NKAIN2: variants seen among roughly 807,000 people sequenced by gnomAD.
NKAIN2 encodes the protein sodium/potassium-transporting ATPase subunit beta-1-interacting protein 2.
NKAIN2 carries 14 observed loss-of-function variants against 32.6 expected under a neutral mutation model. The observed-to-expected ratio is 0.43, with a 90% CI of 0.28 to 0.67. The LOEUF is 0.67. NKAIN2 is among the 30% of genes least tolerant of loss of function. The pLI, the probability that NKAIN2 is intolerant of heterozygous loss-of-function variation, is 0.17. For synonymous variants in NKAIN2, 80 were observed against 87.2 expected, an observed-to-expected ratio of 0.92 and a Z score of 0.46; for missense variants, 198 against 258.3, an observed-to-expected ratio of 0.77 and a Z score of 1.60.
intron 3 of NKAIN2, among the ~76,000 whole-genome samples, chr6:124,563,310 A>G (rs2114898936): frequency 6.6e-6 from 1 of 152,358 alleles, no homozygotes; most frequent in East Asian, 1.9e-4. Flanking sequence ...TTTGAACATT[A>G]GTATTATTTT....
At position 124,020,245 on chromosome 6, in the gene NKAIN2, A is replaced by C. The variant is rs1008497674; in HGVS notation, c.54+215991A>C. On this transcript the variant is annotated intron_variant, in intron 1 of 6. Transcript: ENST00000368417. The stretch of plus-strand genomic sequence containing the variant: ...TGGGTCATTCTGTTCTTAGTAAAGG[A>C]GTAATATTCTTCCTGCCAAAATTAA... Among the ~76,000 whole-genome samples, 4 of 152,128 alleles carry C rather than the reference A, an allele frequency of 2.6e-5. No individual in the cohort carries two copies. In the East Asian group the frequency reaches 7.7e-4, roughly 29 times the overall value.
intron 1 of NKAIN2, among the ~76,000 whole-genome samples, chr6:123,850,371 T>TATATAC (rs1158089972): frequency 2.1e-5 from 3 of 140,234 alleles, no homozygotes; most frequent in African/African-American, 8.1e-5. Context: ...TATATATATA[T>TATATAC]ACACACACAC....
At chr6:123,857,222 C>G (rs1775588558) in intron 1 of NKAIN2, among the ~76,000 whole-genome samples, 1 of 151,672 alleles carries the variant, frequency 6.6e-6, no homozygotes, top group South Asian at 2.1e-4. Context: ...AAACCCTGTA[C>G]CAGCAGGACC....
intron 1 of NKAIN2, among the ~76,000 whole-genome samples, chr6:123,841,575 AG>A (rs962173871): frequency 1.6e-4 from 25 of 152,308 alleles, no homozygotes; most frequent in African/African-American, 5.1e-4. Context: ...CATCATCAAC[AG>A]GAAGTCTGTA....
At chr6:124,221,573 A>G (rs1268534351) in intron 1 of NKAIN2, among the ~76,000 whole-genome samples, 1 of 152,136 alleles carries the variant, frequency 6.6e-6, no homozygotes, top group South Asian at 2.1e-4. Context: ...AGAGAGAAAA[A>G]AAAGAAATAA....
intron 1 of NKAIN2, among the ~76,000 whole-genome samples, chr6:123,980,014 G>T (rs985982653): frequency 6.6e-6 from 1 of 152,104 alleles, no homozygotes; most frequent in Non-Finnish European, 1.5e-5. Context: ...ACAGTGATTG[G>T]TTTAATTAGT....
At chr6:124,783,098 A>T (rs914443423) in intron 4 of NKAIN2, among the ~76,000 whole-genome samples, 6 of 152,160 alleles carry the variant, frequency 3.9e-5, no homozygotes, top group African/African-American at 1.4e-4. Flanking sequence ...ATACAGTTTT[A>T]AAAACGAATC....
chr6:124,693,915 A>G (rs1774372446), intron 4 of NKAIN2, among the ~76,000 whole-genome samples: 1 of 152,292 alleles, frequency 6.6e-6, no homozygotes, highest in East Asian at 1.9e-4. Flanking sequence ...TCTAAATTGC[A>G]TCTGTTTCAG....
chr6:123,846,117 T>G (rs1191362024), intron 1 of NKAIN2, among the ~76,000 whole-genome samples: 8 of 152,336 alleles, frequency 5.3e-5, no homozygotes, highest in Non-Finnish European at 1.5e-5. Context: ...AGCTATATTT[T>G]TGCCCTATTA....
chr6:124,685,704 CA>C (rs1773837745), intron 4 of NKAIN2, among the ~76,000 whole-genome samples: 2 of 152,150 alleles, frequency 1.3e-5, no homozygotes, highest in South Asian at 4.1e-4. Flanking sequence ...CCAACTTTCT[CA>C]TGTTATGAGT....
rs138662518 is a variant in NKAIN2 at position 124,761,695 on chromosome 6, T to A, written c.475-29644T>A. 3.0e-4 allele frequency among the ~76,000 whole-genome samples: 46 copies of A among 152,326 alleles called. No homozygotes were observed. The East Asian group carries it at 8.3e-3, about 27-fold the overall frequency. ...CATCCTCTAACATAACTTTCTCTTT[T>A]CTTTTTCATTTATAAAGGCAGTATC... On this transcript the variant is annotated intron_variant, in intron 4 of 6. Coordinates refer to ENST00000368417, the MANE Select transcript of NKAIN2 (RefSeq NM_001040214.3).
chr6:124,672,678 C>T (rs945894772), intron 4 of NKAIN2, among the ~76,000 whole-genome samples: 16 of 151,814 alleles, frequency 1.1e-4, no homozygotes, highest in African/African-American at 3.6e-4. Context: ...GACAATGAGG[C>T]TGTGTGGAAT....
At chr6:124,217,108 G>A (rs1791518012) in intron 1 of NKAIN2, among the ~76,000 whole-genome samples, 1 of 152,008 alleles carries the variant, frequency 6.6e-6, no homozygotes, top group Non-Finnish European at 1.5e-5. Flanking sequence ...GGAAATAATA[G>A]GCAAAGCTAA....
intron 4 of NKAIN2, among the ~76,000 whole-genome samples, chr6:124,670,533 T>C (rs1184302287): frequency 6.6e-6 from 1 of 152,066 alleles, no homozygotes; most frequent in Non-Finnish European, 1.5e-5. Flanking sequence ...CTGAGTGCCA[T>C]GAGCATGTGT....
At chr6:124,414,228 T>C (rs974498588) in intron 3 of NKAIN2, among the ~76,000 whole-genome samples, 1 of 152,144 alleles carries the variant, frequency 6.6e-6, no homozygotes, top group Non-Finnish European at 1.5e-5. Context: ...TTGTCAACAG[T>C]TTTTATCGGA....
At chr6:124,700,014 A>G (rs1583669305) in intron 4 of NKAIN2, among the ~76,000 whole-genome samples, 1 of 152,220 alleles carries the variant, frequency 6.6e-6, no homozygotes, top group Non-Finnish European at 1.5e-5. Context: ...CAGTTAAGTA[A>G]GATTTAGAAT....
At chr6:124,423,910 A>T (rs1023594805) in intron 3 of NKAIN2, among the ~76,000 whole-genome samples, 1 of 152,242 alleles carries the variant, frequency 6.6e-6, no homozygotes, top group Non-Finnish European at 1.5e-5. Context: ...TAAGTTATCC[A>T]GTCTCAAGTG....
At chr6:124,260,354 T>C (rs1482533274) in intron 1 of NKAIN2, among the ~76,000 whole-genome samples, 1 of 152,018 alleles carries the variant, frequency 6.6e-6, no homozygotes, top group African/African-American at 2.4e-5. Context: ...AAAACAGAAA[T>C]GGGAAGTTTG....
intron 3 of NKAIN2, among the ~76,000 whole-genome samples, chr6:124,569,278 C>A (rs564920807): frequency 5.3e-5 from 8 of 152,284 alleles, no homozygotes; most frequent in Non-Finnish European, 1.0e-4. Context: ...TAGATGCCAT[C>A]TGATGCCACC....
Sources: gnomAD v4.1 joint callset for allele counts (sites outside exome capture counted in the v4.1 genomes callset) on GRCh38, gnomAD v4.1.1 for gene constraint, MANE v1.5 for transcripts, NCBI Gene and HGNC (gene_info 2026-07-23, HGNC 2026-07-21) for gene names.